Variants in CNOT6L observed in about 807,000 individuals in gnomAD.
CNOT6L encodes CCR4-NOT transcription complex subunit 6-like.
CNOT6L carries 7 observed loss-of-function variants against 64.0 expected under a neutral mutation model. The observed-to-expected ratio is 0.11, with a 90% CI of 0.06 to 0.21. The LOEUF is 0.21. Among genes scored for constraint, CNOT6L ranks in the 10% least tolerant of loss-of-function variants. CNOT6L has a pLI of 1.00. For missense variants in CNOT6L, 245 were observed against 669.0 expected (o/e 0.37, Z 6.99); for synonymous variants, 193 against 243.4 (o/e 0.79, Z 1.93).
At chr4:77,809,949 C>T (rs985094423) in intron 1 of CNOT6L, among the ~76,000 whole-genome samples, 3 of 152,104 alleles carry the variant, frequency 2.0e-5, no homozygotes, top group Non-Finnish European at 4.4e-5. Context: ...AATTACCAGG[C>T]ATCTATTCAG....
intron 1 of CNOT6L, among the ~76,000 whole-genome samples, chr4:77,813,518 T>C (rs1477418077): frequency 6.6e-6 from 1 of 152,062 alleles, no homozygotes; most frequent in Admixed American, 6.6e-5. Flanking sequence ...GCAAATCATA[T>C]ATAAGGGACA....
rs966835462 is a variant in CNOT6L, at chr4:77,747,040, TA to T, written c.559+1275del. ...CTATATATCCCACATTTCCAAATACTAAAAAAAAAAAAGACTTGTTCTGAAT... is the reference window on the plus strand; with the variant it reads ...CTATATATCCCACATTTCCAAATACTAAAAAAAAAAAGACTTGTTCTGAAT... On this transcript the variant is annotated intron_variant, in intron 6 of 11. Transcript: ENST00000504123. Among the ~76,000 whole-genome samples, 350 of 135,390 alleles carry T rather than the reference TA, an allele frequency of 2.6e-3. 1 individual carries two copies. The highest frequency in any genetic ancestry group is 3.8e-3 in the Middle Eastern group (1 of 260). The allele number at this position is 135,390 out of a possible 152,430, so 88.8% of individuals were successfully genotyped here. A position where few individuals can be genotyped will look rare whatever the true frequency, so the allele number is the denominator to read the frequency against.
At position 77,716,042 on chromosome 4, in the gene CNOT6L, TCA is replaced by T. The variant is rs1720716231; in HGVS notation, c.*4387_*4388del. The T allele has an allele frequency of 6.6e-6, 1 of 152,228 alleles. No individual in the cohort carries two copies. The highest frequency in any genetic ancestry group is 2.4e-5 in the African/African-American group (1 of 41,430). 9.4% of individuals were successfully genotyped at this position (152,228 alleles called of 1,614,324 possible). A position where few individuals can be genotyped will look rare whatever the true frequency, so the allele number is the denominator to read the frequency against. Reference sequence around the variant, plus strand: ...CCTAGTTAATTTCTCTACCTACAATTCACACAGTTCTCCAAACATGGTATGAC... The same window carrying T: ...CCTAGTTAATTTCTCTACCTACAATTCACAGTTCTCCAAACATGGTATGAC... On this transcript the variant is annotated 3_prime_UTR_variant, in exon 12 of 12. Coordinates refer to ENST00000504123, the MANE Select transcript of CNOT6L (RefSeq NM_144571.3).
At position 77,720,570 on chromosome 4, in the gene CNOT6L, T is replaced by C; in HGVS notation, c.1529A>G (p.Gln510Arg). The change falls in exon 12 of 12, where the codon CAA becomes CGA. Residue 510 changes from glutamine (Q) to arginine (R), a missense_variant. By Grantham distance (43) the Gln-to-Arg change is conservative. This residue lies in a region of CNOT6L where 20 missense variants were observed against 26.4 expected (regional missense o/e 0.76). Transcript: ENST00000504123. ...AGTGATGTTGTTCTCAACCAGCCAT[T>C]GAGGATCTAAAGGCCCCAGGACACC... ...VLGVLGPLDP[Q>R]WLVENNITGC... The C allele has an allele frequency of 6.2e-7, 1 of 1,603,984 alleles. No individual in the cohort carries two copies. Among genetic ancestry groups the C allele is most frequent in the Non-Finnish European group, 8.5e-7 (1 of 1,170,612 alleles).
rs186543514 is a variant in CNOT6L, at chr4:77,788,445, C to T, written c.6-12053G>A. Among the ~76,000 whole-genome samples the T allele has an allele frequency of 1.3e-3, 204 of 152,198 alleles. 1 individual carries two copies. Among genetic ancestry groups the T allele is most frequent in the African/African-American group, 4.9e-3 (202 of 41,544 alleles). The stretch of plus-strand genomic sequence containing the variant: ...GAACATATTATAATAATAGGCAATT[C>T]GGCCAGGCACCATGGCTCACGCCTG... On this transcript the variant is annotated intron_variant, in intron 1 of 11. Transcript: ENST00000504123.
chr4:77,756,855 C>G lies in CNOT6L; in HGVS notation c.490+7G>C. 6.4e-7 allele frequency: 1 copy of G among 1,574,464 alleles called. No individual in the cohort carries two copies. Among genetic ancestry groups the G allele is most frequent in the Non-Finnish European group, 8.7e-7 (1 of 1,148,512 alleles). On this transcript the variant is annotated splice_region_variant and intron_variant, in intron 5 of 11. Coordinates refer to ENST00000504123, the MANE Select transcript of CNOT6L (RefSeq NM_144571.3). ...ATTTATTTTACAGCTTTGTCACTAA[C>G]AGTTACCTGCGAGATTGTCAAGCAT...
chr4:77,791,714 T>C (rs1730167455), intron 1 of CNOT6L, among the ~76,000 whole-genome samples: 1 of 152,196 alleles, frequency 6.6e-6, no homozygotes, highest in African/African-American at 2.4e-5. Flanking sequence ...CTGATTTTGC[T>C]TGGGTATTAT....
intron 8 of CNOT6L, among the ~76,000 whole-genome samples, chr4:77,741,930 T>C (rs1723642543): frequency 6.6e-6 from 1 of 152,180 alleles, no homozygotes; most frequent in Non-Finnish European, 1.5e-5. Flanking sequence ...TTCAGTGTTA[T>C]TTGGTAATAA....
At chr4:77,814,550 T>C (rs1241030216) in intron 1 of CNOT6L, among the ~76,000 whole-genome samples, 1 of 152,184 alleles carries the variant, frequency 6.6e-6, no homozygotes, top group Non-Finnish European at 1.5e-5. Flanking sequence ...ACTCACAAAC[T>C]ATAAGCCTCT....
chr4:77,729,580 C>T (rs572389749), intron 9 of CNOT6L, among the ~76,000 whole-genome samples: 3 of 152,126 alleles, frequency 2.0e-5, no homozygotes, highest in African/African-American at 7.2e-5. Flanking sequence ...CACCATATAC[C>T]GAAATAACAT....
chr4:77,805,002 T>G (rs553857561), intron 1 of CNOT6L, among the ~76,000 whole-genome samples: 16 of 152,176 alleles, frequency 1.1e-4, no homozygotes, highest in Non-Finnish European at 1.9e-4. Flanking sequence ...AGATTTTTTT[T>G]AACCAAACAC....
At chr4:77,738,753 CAAAAAAA>C (rs33932934) in intron 8 of CNOT6L, among the ~76,000 whole-genome samples, 1 of 114,212 alleles carries the variant, frequency 8.8e-6, no homozygotes, top group African/African-American at 3.5e-5. Flanking sequence ...AACTCCGTCT[CAAAAAAA>C]AAAAAAAAAA....
At chr4:77,725,748 A>G (rs1426617776) in intron 11 of CNOT6L, among the ~76,000 whole-genome samples, 1 of 152,160 alleles carries the variant, frequency 6.6e-6, no homozygotes, top group Non-Finnish European at 1.5e-5. Context: ...TTGAGAAAAT[A>G]CTATATAAAT....
intron 4 of CNOT6L, among the ~76,000 whole-genome samples, chr4:77,762,038 C>G (rs1240700169): frequency 1.3e-5 from 2 of 151,902 alleles, no homozygotes; most frequent in Non-Finnish European, 2.9e-5. Context: ...AAGATCTATA[C>G]CCTGAAAACT....
intron 1 of CNOT6L, among the ~76,000 whole-genome samples, chr4:77,779,572 T>C (rs1457882148): frequency 6.6e-6 from 1 of 152,112 alleles, no homozygotes; most frequent in South Asian, 2.1e-4. Context: ...CATAAAATGT[T>C]TACCAATATC....
chr4:77,778,055 A>G (rs1446291371), intron 1 of CNOT6L, among the ~76,000 whole-genome samples: 1 of 152,216 alleles, frequency 6.6e-6, no homozygotes, highest in Admixed American at 6.5e-5. Context: ...GCTAAACCGT[A>G]TTTTATTTTC....
intron 1 of CNOT6L, among the ~76,000 whole-genome samples, chr4:77,797,217 T>C (rs940107316): frequency 2.7e-5 from 4 of 149,138 alleles, no homozygotes; most frequent in African/African-American, 9.9e-5. Context: ...AACCTCAAAC[T>C]TTACCTCATA....
intron 8 of CNOT6L, among the ~76,000 whole-genome samples, chr4:77,732,548 A>G (rs971601666): frequency 6.6e-6 from 1 of 152,036 alleles, no homozygotes; most frequent in African/African-American, 2.4e-5. Context: ...TGCTGCACTA[A>G]ATGAAGCAAT....
intron 4 of CNOT6L, among the ~76,000 whole-genome samples, chr4:77,764,669 A>C (rs954087169): frequency 6.6e-6 from 1 of 152,158 alleles, no homozygotes; most frequent in Non-Finnish European, 1.5e-5. Context: ...TCATCTGCGC[A>C]CAACAGCAAT....
Sources: gnomAD v4.1 joint callset for allele counts (sites outside exome capture counted in the v4.1 genomes callset) on GRCh38, gnomAD v4.1.1 for gene constraint, gnomAD v4.1.1 regional missense constraint, MANE v1.5 for transcripts, NCBI Gene and HGNC (gene_info 2026-07-23, HGNC 2026-07-21) for gene names.